The following TRERF1 variants were observed in gnomAD, a reference collection of about 807,000 sequenced individuals.
TRERF1 encodes transcriptional-regulating factor 1.
In TRERF1, 27 loss-of-function variants were observed where a neutral mutation model predicts 122.9. The ratio of observed to expected loss-of-function variants is 0.22; its 90% CI spans 0.16 to 0.30. TRERF1 has a LOEUF of 0.30. Among genes scored for constraint, TRERF1 ranks in the 10% least tolerant of loss-of-function variants. The pLI is 1.00. For synonymous variants in TRERF1, 636 were observed against 641.7 expected (o/e 0.99, Z 0.13); for missense variants, 1,248 against 1,560.3 (o/e 0.80, Z 3.37).
intron 2 of TRERF1, among the ~76,000 whole-genome samples, chr6:42,391,885 T>C (rs1777795670): frequency 6.6e-6 from 1 of 152,048 alleles, no homozygotes; most frequent in African/African-American, 2.4e-5. Flanking sequence ...GCTCCCAAAA[T>C]AAAATAAAAC....
chr6:42,331,370 A>G (rs1035428659), intron 3 of TRERF1, among the ~76,000 whole-genome samples: 1 of 152,050 alleles, frequency 6.6e-6, no homozygotes, highest in Non-Finnish European at 1.5e-5. Flanking sequence ...GGGGACTGAG[A>G]TGAGGCTAGA....
intron 2 of TRERF1, among the ~76,000 whole-genome samples, chr6:42,431,466 C>G (rs1351911111): frequency 6.6e-6 from 1 of 152,130 alleles, no homozygotes; most frequent in Admixed American, 6.5e-5. Context: ...TCATTCACTC[C>G]CTGCAGTTTA....
intron 2 of TRERF1, among the ~76,000 whole-genome samples, chr6:42,444,091 T>C (rs1218402989): frequency 6.6e-6 from 1 of 151,584 alleles, no homozygotes; most frequent in African/African-American, 2.4e-5. Flanking sequence ...CCACCTCCCA[T>C]GCAGACCCCA....
intron 2 of TRERF1, among the ~76,000 whole-genome samples, chr6:42,420,919 C>A (rs961191556): frequency 2.6e-5 from 4 of 152,198 alleles, no homozygotes; most frequent in African/African-American, 9.7e-5. Context: ...GAACACTTCC[C>A]GCTTTTTCAG....
intron 4 of TRERF1, among the ~76,000 whole-genome samples, chr6:42,286,066 G>A (rs1163802507): frequency 6.6e-6 from 1 of 151,062 alleles, no homozygotes; most frequent in Non-Finnish European, 1.5e-5. Context: ...AATAAATGGT[G>A]CTGGGAAAAC....
Position 42,259,676 on chromosome 6 carries a change from G to A in TRERF1, c.1932C>T (p.Pro644=), listed in dbSNP as rs1321511308. The A allele has an allele frequency of 1.2e-6, 2 of 1,608,174 alleles. No homozygotes were observed. The highest frequency in any genetic ancestry group is 1.7e-6 in the Non-Finnish European group (2 of 1,179,994). ...TTTTCTTCTCCTGCACGGTCTTGAGGGGCTCCTCGGCTTTGGGCACACTCG... is the reference window on the plus strand; with the variant it reads ...TTTTCTTCTCCTGCACGGTCTTGAGAGGCTCCTCGGCTTTGGGCACACTCG... The change falls in exon 9 of 18, where the codon CCC becomes CCT. Residue 644 remains proline (P), a synonymous_variant. Coordinates refer to ENST00000372922, the Ensembl canonical transcript of TRERF1. The surrounding 1 kb of genome is among the most constrained non-coding windows in gnomAD (Gnocchi z 4.9).
chr6:42,435,697 C>T (rs1033928836), intron 2 of TRERF1, among the ~76,000 whole-genome samples: 3 of 151,854 alleles, frequency 2.0e-5, no homozygotes, highest in African/African-American at 4.8e-5. Flanking sequence ...TTATGGAGGC[C>T]GGGCGCAGTG....
At chr6:42,432,662 T>A (rs576665301) in intron 2 of TRERF1, among the ~76,000 whole-genome samples, 1 of 152,090 alleles carries the variant, frequency 6.6e-6, no homozygotes, top group Non-Finnish European at 1.5e-5. Context: ...GCCAATATGG[T>A]GAAACCCTGT....
chr6:42,392,194 C>T (rs1366454932), intron 2 of TRERF1, among the ~76,000 whole-genome samples: 1 of 152,176 alleles, frequency 6.6e-6, no homozygotes, highest in Non-Finnish European at 1.5e-5. Flanking sequence ...GCACCTGGCA[C>T]ATGGCAGGGG....
At chr6:42,444,967 A>G (rs1205366386) in intron 2 of TRERF1, among the ~76,000 whole-genome samples, 1 of 152,166 alleles carries the variant, frequency 6.6e-6, no homozygotes, top group African/African-American at 2.4e-5. Context: ...TCACAGACAG[A>G]TTCCATTTTG....
At chr6:42,357,328 C>CAAAAA (rs35651008) in intron 3 of TRERF1, among the ~76,000 whole-genome samples, 1 of 61,156 alleles carries the variant, frequency 1.6e-5, no homozygotes, top group African/African-American at 5.7e-5. Context: ...GACTCTGTCT[C>CAAAAA]AAAAAAAAAA....
At chr6:42,227,437 T>C (rs1018982132) in exon 18 of TRERF1, 8 of 152,336 alleles carry the variant, frequency 5.3e-5, no homozygotes, top group Non-Finnish European at 1.0e-4. Context: ...CTTTTCTGAT[T>C]TGTTTTTTGG....
At chr6:42,289,627 GGAGA>G (rs1783951942) in intron 4 of TRERF1, among the ~76,000 whole-genome samples, 3 of 152,018 alleles carry the variant, frequency 2.0e-5, no homozygotes, top group Admixed American at 1.3e-4. Context: ...ATTGTTTTTT[GGAGA>G]GAGAACACTT....
chr6:42,372,528 C>T (rs1157064445), intron 2 of TRERF1, among the ~76,000 whole-genome samples: 1 of 152,160 alleles, frequency 6.6e-6, no homozygotes, highest in African/African-American at 2.4e-5. Context: ...TTCCCCCTAA[C>T]TAACTTAAAG....
chr6:42,316,359 G>C (rs77522), intron 3 of TRERF1, among the ~76,000 whole-genome samples: 56,406 of 152,000 alleles, frequency 0.37, 11,282 homozygotes, highest in East Asian at 0.75. Context: ...AACCCTTCCT[G>C]GTCACTATCC....
intron 4 of TRERF1, among the ~76,000 whole-genome samples, chr6:42,288,396 C>A (rs1783650239): frequency 1.3e-5 from 2 of 151,816 alleles, no homozygotes; most frequent in Admixed American, 6.6e-5. Flanking sequence ...TGGTGAAACC[C>A]CATCTCTACT....
intron 13 of TRERF1, among the ~76,000 whole-genome samples, chr6:42,251,751 G>A (rs977975251): frequency 2.0e-5 from 3 of 152,130 alleles, no homozygotes; most frequent in Non-Finnish European, 4.4e-5. Flanking sequence ...CTCTCCAATG[G>A]AATGAGTATT....
At chr6:42,296,147 G>A (rs570544598) in intron 4 of TRERF1, among the ~76,000 whole-genome samples, 3 of 152,182 alleles carry the variant, frequency 2.0e-5, no homozygotes, top group Non-Finnish European at 4.4e-5. Flanking sequence ...AGCTCAGCGG[G>A]AGGGCCAAGA....
intron 3 of TRERF1, among the ~76,000 whole-genome samples, chr6:42,337,924 G>C (rs998866978): frequency 1.3e-5 from 2 of 152,176 alleles, no homozygotes; most frequent in African/African-American, 4.8e-5. Context: ...TGAGACCCTT[G>C]CTACCTGGAC....
Sources: allele counts gnomAD v4.1 joint callset (sites outside exome capture counted in the v4.1 genomes callset), GRCh38; gene constraint gnomAD v4.1.1; non-coding constraint Gnocchi (gnomAD v3.1); transcripts MANE v1.5; gene names NCBI Gene and HGNC (gene_info 2026-07-23, HGNC 2026-07-21).